Variants in PIGK observed in about 807,000 individuals in gnomAD.
PIGK encodes phosphatidylinositol glycan anchor biosynthesis class K.
Under a neutral mutation model 50.6 loss-of-function variants are expected in PIGK, and 42 were observed. That is an observed-to-expected ratio of 0.83 (90% CI 0.65 to 1.07). PIGK has a LOEUF of 1.07. Among genes scored for constraint, PIGK ranks in the 50% least tolerant of loss-of-function variants. The pLI is 0.00. For missense variants in PIGK, 448 were observed against 488.7 expected (o/e 0.92, Z 0.78); for synonymous variants, 151 against 156.0 (o/e 0.97, Z 0.24).
intron 3 of PIGK, among the ~76,000 whole-genome samples, chr1:77,177,408 G>A (rs1320799518): frequency 6.6e-6 from 1 of 152,212 alleles, no homozygotes; most frequent in Non-Finnish European, 1.5e-5. Flanking sequence ...GCTTAAAGGC[G>A]TTCTTAAACC....
intron 10 of PIGK, among the ~76,000 whole-genome samples, chr1:77,106,448 C>T (rs900569528): frequency 3.3e-5 from 5 of 152,130 alleles, no homozygotes; most frequent in African/African-American, 1.2e-4. Context: ...TCATAAACAA[C>T]ATTCCTTTTA....
At chr1:77,108,895 C>T (rs918036362) in intron 10 of PIGK, among the ~76,000 whole-genome samples, 1 of 152,150 alleles carries the variant, frequency 6.6e-6, no homozygotes, top group Non-Finnish European at 1.5e-5. Context: ...GCTACTGAAG[C>T]GTGTGCATTT....
chr1:77,156,190 T>G (rs1418842318), intron 8 of PIGK, among the ~76,000 whole-genome samples: 1 of 152,150 alleles, frequency 6.6e-6, no homozygotes, highest in Non-Finnish European at 1.5e-5. Flanking sequence ...CCAAGAATAC[T>G]GAAGATCTCT....
At chr1:77,185,518 T>C (rs1341280635) in intron 3 of PIGK, among the ~76,000 whole-genome samples, 3 of 152,122 alleles carry the variant, frequency 2.0e-5, no homozygotes, top group Admixed American at 1.3e-4. Flanking sequence ...GAAGGATAAG[T>C]TGCTGCATTT....
At position 77,135,642 on chromosome 1, in the gene PIGK, CATTG is replaced by C. The variant is rs560155494; in HGVS notation, c.987-13287_987-13284del. On this transcript the variant is annotated intron_variant, in intron 9 of 10. Transcript: ENST00000370812. ...CTCTTCACTCCTTTTACTGCCTTCT[CATTG>C]ATTTTTTAATTTCACTTTTTCTCCT... 2.3e-4 allele frequency among the ~76,000 whole-genome samples: 35 copies of C among 152,060 alleles called. No homozygotes were observed. The East Asian group carries it at 5.4e-3, about 23-fold the overall frequency.
At position 77,161,599 on chromosome 1, in the gene PIGK, G is replaced by T; in HGVS notation, c.697C>A (p.Leu233Ile). ...AATGGGGAAAATGCACATACCGAGA[G>T]TGAATCTTCTCCCACTTGACTACTA... is the stretch of plus-strand genomic sequence containing the variant. ...LASSQVGEDS[L>I]SHQPDPAIGV... Residue 233 changes from leucine (L) to isoleucine (I), a missense_variant, in exon 7 of 11, where the codon CTC becomes ATC. By Grantham distance (5) the Leu-to-Ile change is conservative. Transcript: ENST00000370812. 7.1e-7 allele frequency: 1 copy of T among 1,400,722 alleles called. No individual in the cohort carries two copies. The highest frequency in any genetic ancestry group is 1.0e-6 in the Non-Finnish European group (1 of 985,320). The allele number at this position is 1,400,722 out of a possible 1,614,324, so 86.8% of individuals were successfully genotyped here. A position where few individuals can be genotyped will look rare whatever the true frequency, so the allele number is the denominator to read the frequency against.
chr1:77,099,186 T>G (rs1288828130), intron 10 of PIGK, among the ~76,000 whole-genome samples: 2 of 152,108 alleles, frequency 1.3e-5, no homozygotes, highest in Admixed American at 6.5e-5. Flanking sequence ...TTTTAATGAT[T>G]TGGAGATGCT....
intron 1 of PIGK, 99 bp downstream of exon 1, chr1:77,219,210 AT>A: frequency 1.1e-6 from 1 of 945,716 alleles, no homozygotes; most frequent in Non-Finnish European, 1.7e-6. Flanking sequence ...TCAGGGGCTG[AT>A]TGACTCCAGG....
In PIGK at chr1:77,154,435, T is replaced by C; in HGVS notation, c.986+14A>G. ...GACTAGTATTCTATTCAAATAATGG[T>C]TTAAGATGAATACCTGCTTTCCATG... On this transcript the variant is annotated intron_variant, in intron 9 of 10. Coordinates refer to ENST00000370812, the MANE Select transcript of PIGK (RefSeq NM_005482.3). The C allele has an allele frequency of 6.3e-7, 1 of 1,583,430 alleles. No individual in the cohort carries two copies. The highest frequency in any genetic ancestry group is 8.7e-7 in the Non-Finnish European group (1 of 1,154,694).
At chr1:77,140,244 C>T (rs1487312753) in intron 9 of PIGK, among the ~76,000 whole-genome samples, 2 of 151,836 alleles carry the variant, frequency 1.3e-5, no homozygotes, top group Non-Finnish European at 2.9e-5. Flanking sequence ...TGCATGCTCA[C>T]ACTCACTCAC....
intron 1 of PIGK, among the ~76,000 whole-genome samples, chr1:77,215,744 G>A (rs1656544347): frequency 6.6e-6 from 1 of 152,158 alleles, no homozygotes; most frequent in Non-Finnish European, 1.5e-5. Context: ...ATAAAATGGA[G>A]TATTATTCAT....
At chr1:77,178,604 TTATC>T (rs1655538760) in intron 3 of PIGK, among the ~76,000 whole-genome samples, 1 of 152,120 alleles carries the variant, frequency 6.6e-6, no homozygotes, top group African/African-American at 2.4e-5. Flanking sequence ...AGTAGACTCT[TTATC>T]TAGCTCATTC....
In PIGK at chr1:77,147,428, A is replaced by G. The variant is rs192244609; in HGVS notation, c.986+7021T>C. On this transcript the variant is annotated intron_variant, in intron 9 of 10. Transcript: ENST00000370812. ...ATTCAGACTAGGTAAGTTTCTTCTA[A>G]CCCACTAACATAAGAGGTGAGTGTT... 2.0e-4 allele frequency among the ~76,000 whole-genome samples: 30 copies of G among 152,258 alleles called. No homozygotes were observed. In the East Asian group the frequency reaches 5.0e-3, roughly 26 times the overall value.
chr1:77,096,978 C>T (rs532533232), intron 10 of PIGK, among the ~76,000 whole-genome samples: 103 of 143,932 alleles, frequency 7.2e-4, no homozygotes, highest in African/African-American at 2.3e-3. Context: ...GTGTTTATTG[C>T]GGCATTATTC....
chr1:77,219,205 G>T, intron 1 of PIGK, 105 bp downstream of exon 1: 1 of 876,276 alleles, frequency 1.1e-6, no homozygotes. Context: ...CTGGGTCAGG[G>T]GCTGATTGAC....
chr1:77,119,202 A>C (rs1654042710), intron 10 of PIGK, among the ~76,000 whole-genome samples: 1 of 152,222 alleles, frequency 6.6e-6, no homozygotes, highest in Non-Finnish European at 1.5e-5. Context: ...ATTAAAAAAG[A>C]AAAACTTGTT....
At chr1:77,193,654 G>C (rs963425629) in intron 3 of PIGK, among the ~76,000 whole-genome samples, 2 of 152,162 alleles carry the variant, frequency 1.3e-5, no homozygotes, top group African/African-American at 4.8e-5. Context: ...TTCTTACACA[G>C]AAGGAAAGGG....
intron 9 of PIGK, among the ~76,000 whole-genome samples, chr1:77,126,051 C>G (rs1164489708): frequency 6.6e-6 from 1 of 152,126 alleles, no homozygotes; most frequent in African/African-American, 2.4e-5. Context: ...TGCTGTTTCA[C>G]ATATCTTCCT....
At chr1:77,130,348 T>C (rs2653471) in intron 9 of PIGK, among the ~76,000 whole-genome samples, 1 of 146,472 alleles carries the variant, frequency 6.8e-6, no homozygotes, top group Non-Finnish European at 1.5e-5. Context: ...ATAATTCTGA[T>C]GTTTTCTTTT....
Sources: gnomAD v4.1 joint callset for allele counts (sites outside exome capture counted in the v4.1 genomes callset) on GRCh38, gnomAD v4.1.1 for gene constraint, MANE v1.5 for transcripts, NCBI Gene and HGNC (gene_info 2026-07-23, HGNC 2026-07-21) for gene names.